The following LRRC4C variants were observed in gnomAD, a reference collection of about 807,000 sequenced individuals.
The protein encoded by LRRC4C is leucine rich repeat containing 4C.
In LRRC4C, 5 loss-of-function variants were observed where a neutral mutation model predicts 33.6. The observed-to-expected ratio is 0.15, with a 90% confidence interval of 0.08 to 0.31. LRRC4C has a LOEUF of 0.31. Among genes scored for constraint, LRRC4C ranks in the 10% least tolerant of loss-of-function variants. The pLI, the probability that LRRC4C is intolerant of heterozygous loss-of-function variation, is 1.00. For synonymous variants in LRRC4C, 329 were observed against 302.0 expected (o/e 1.09, Z -0.93); for missense variants, 560 against 796.7 (o/e 0.70, Z 3.58).
intron 2 of LRRC4C, among the ~76,000 whole-genome samples, chr11:40,748,655 T>C (rs1948543218): frequency 6.6e-6 from 1 of 152,082 alleles, no homozygotes; most frequent in Admixed American, 6.5e-5. Context: ...TGAATGTAAA[T>C]TGATTAAATT....
intron 1 of LRRC4C, among the ~76,000 whole-genome samples, chr11:41,123,584 T>C (rs534502343): frequency 3.0e-4 from 45 of 152,270 alleles, no homozygotes; most frequent in African/African-American, 1.0e-3. Flanking sequence ...TTTTTTCTTT[T>C]TTTAATAAAT....
At chr11:40,436,043 T>C (rs570889609) in intron 3 of LRRC4C, among the ~76,000 whole-genome samples, 19 of 152,320 alleles carry the variant, frequency 1.2e-4, no homozygotes, top group Non-Finnish European at 2.6e-4. Flanking sequence ...CCTATCCTTC[T>C]TTAATTTTCT....
chr11:40,280,258 TACAG>T (rs1301139070), intron 4 of LRRC4C, among the ~76,000 whole-genome samples: 4 of 152,206 alleles, frequency 2.6e-5, no homozygotes, highest in African/African-American at 9.6e-5. Flanking sequence ...AAGGCTTTAA[TACAG>T]ACAGAGTCTC....
rs61407537 is a variant in LRRC4C at position 41,151,190 on chromosome 11, G to A, written c.-495-217467C>T. ...TTTTTTGCTACCCATTAATGCCATA[G>A]GAGACCAGCTCTCCCATTAAGAAAC... On this transcript the variant is annotated intron_variant, in intron 1 of 6. Coordinates refer to ENST00000528697, the MANE Select transcript of LRRC4C (RefSeq NM_001258419.2). Among the ~76,000 whole-genome samples the A allele has an allele frequency of 7.7e-3, 1,170 of 152,166 alleles. 21 individuals are homozygous for A. Among genetic ancestry groups the A allele is most frequent in the African/African-American group, 0.027 (1,121 of 41,492 alleles).
intron 1 of LRRC4C, among the ~76,000 whole-genome samples, chr11:41,112,651 A>G (rs758738427): frequency 6.6e-6 from 1 of 152,048 alleles, no homozygotes; most frequent in Non-Finnish European, 1.5e-5. Context: ...TATAATTTCA[A>G]TCATGTACTC....
intron 3 of LRRC4C, among the ~76,000 whole-genome samples, chr11:40,464,820 A>G (rs1952574209): frequency 6.6e-6 from 1 of 152,092 alleles, no homozygotes; most frequent in African/African-American, 2.4e-5. Flanking sequence ...TAGACGACAC[A>G]AGCAAATGGA....
intron 1 of LRRC4C, among the ~76,000 whole-genome samples, chr11:41,184,830 A>G (rs935617747): frequency 2.0e-5 from 3 of 152,036 alleles, no homozygotes; most frequent in Non-Finnish European, 4.4e-5. Context: ...AAAAAAAAAA[A>G]AAAGGTTTAA....
chr11:40,184,729 G>T (rs1451636052), intron 5 of LRRC4C, among the ~76,000 whole-genome samples: 1 of 152,198 alleles, frequency 6.6e-6, no homozygotes, highest in Non-Finnish European at 1.5e-5. Context: ...TATCTCGAAA[G>T]AAGAGAGGTG....
chr11:41,140,551 A>G (rs1380736079), intron 1 of LRRC4C, among the ~76,000 whole-genome samples: 1 of 151,752 alleles, frequency 6.6e-6, no homozygotes, highest in Non-Finnish European at 1.5e-5. Context: ...ACAACCTCTA[A>G]CAAAATAGAG....
chr11:40,712,268 T>C (rs1196239708), intron 2 of LRRC4C, among the ~76,000 whole-genome samples: 1 of 152,210 alleles, frequency 6.6e-6, no homozygotes, highest in Non-Finnish European at 1.5e-5. Flanking sequence ...TTGAATATAT[T>C]GTATTTTCAT....
At chr11:40,987,629 T>TGA in intron 1 of LRRC4C, among the ~76,000 whole-genome samples, 1 of 89,378 alleles carries the variant, frequency 1.1e-5, no homozygotes, top group Middle Eastern at 5.1e-3. Flanking sequence ...AAGTGGGTAA[T>TGA]GATATATATA....
At chr11:40,433,724 T>G (rs983646806) in intron 3 of LRRC4C, among the ~76,000 whole-genome samples, 9 of 152,200 alleles carry the variant, frequency 5.9e-5, no homozygotes, top group Non-Finnish European at 8.8e-5. Context: ...TTTATCATGT[T>G]GCCCACAGAG....
chr11:40,349,701 G>T (rs930404367), intron 3 of LRRC4C, among the ~76,000 whole-genome samples: 1 of 152,012 alleles, frequency 6.6e-6, no homozygotes, highest in African/African-American at 2.4e-5. Flanking sequence ...CAGTGAATGG[G>T]GTTCCCTTTT....
At chr11:41,105,439 C>G (rs552627203) in intron 1 of LRRC4C, among the ~76,000 whole-genome samples, 1 of 152,112 alleles carries the variant, frequency 6.6e-6, no homozygotes, top group East Asian at 1.9e-4. Context: ...TTCTGGTCTG[C>G]TCTTTAGTCT....
intron 2 of LRRC4C, among the ~76,000 whole-genome samples, chr11:40,845,615 G>T (rs1383412548): frequency 6.6e-6 from 1 of 152,128 alleles, no homozygotes; most frequent in Non-Finnish European, 1.5e-5. Flanking sequence ...AGTCTTTGCT[G>T]TTGTAAATAG....
intron 2 of LRRC4C, among the ~76,000 whole-genome samples, chr11:40,877,216 C>T (rs946729036): frequency 1.3e-5 from 2 of 152,056 alleles, no homozygotes; most frequent in Non-Finnish European, 2.9e-5. Flanking sequence ...CCCAAGTAGT[C>T]AAACCAGAAA....
chr11:41,321,129 T>G (rs999586343), intron 1 of LRRC4C, among the ~76,000 whole-genome samples: 7 of 152,214 alleles, frequency 4.6e-5, no homozygotes, highest in African/African-American at 1.7e-4. Context: ...CTAATAATTT[T>G]TCCATCTTAA....
chr11:40,594,751 T>C (rs1251060759), intron 3 of LRRC4C, among the ~76,000 whole-genome samples: 1 of 152,188 alleles, frequency 6.6e-6, no homozygotes, highest in Non-Finnish European at 1.5e-5. Context: ...TCTCCAGTCA[T>C]TGAAATAAGT....
intron 2 of LRRC4C, among the ~76,000 whole-genome samples, chr11:40,734,384 C>G (rs1947751328): frequency 6.6e-6 from 1 of 152,138 alleles, no homozygotes; most frequent in Admixed American, 6.5e-5. Flanking sequence ...TTTTCCTTCT[C>G]TCTTCCCTCC....
Sources: allele counts gnomAD v4.1 joint callset (sites outside exome capture counted in the v4.1 genomes callset), GRCh38; gene constraint gnomAD v4.1.1; transcripts MANE v1.5; gene names NCBI Gene and HGNC (gene_info 2026-07-23, HGNC 2026-07-21).